Variants in FOXK2 observed in about 807,000 individuals in gnomAD.
FOXK2 encodes forkhead box protein K2.
FOXK2 carries 24 observed loss-of-function variants against 53.3 expected under a neutral mutation model. The observed-to-expected ratio is 0.45, with a 90% CI of 0.33 to 0.63. The LOEUF (loss-of-function observed/expected upper bound fraction) is 0.63. Among genes scored for constraint, FOXK2 ranks in the 30% least tolerant of loss-of-function variants. The probability of loss-of-function intolerance (pLI) is 0.03; values close to 1 mark genes in which losing one functional copy is unlikely to be tolerated. For synonymous variants in FOXK2, 505 were observed against 407.1 expected, an observed-to-expected ratio of 1.24 and a Z score of -2.89; for missense variants, 952 against 910.5, an observed-to-expected ratio of 1.05 and a Z score of -0.59.
intron 4 of FOXK2, among the ~76,000 whole-genome samples, chr17:82,574,744 C>T (rs2044963666): frequency 6.6e-6 from 1 of 152,190 alleles, no homozygotes; most frequent in Non-Finnish European, 1.5e-5. Context: ...AGACCTTATT[C>T]TGACTTCCTC....
At chr17:82,525,954 T>TACTTTCTTATGTGGCCTGGATCCCAC (rs2044414143) in intron 1 of FOXK2, among the ~76,000 whole-genome samples, 2 of 143,488 alleles carry the variant, frequency 1.4e-5, no homozygotes, top group Admixed American at 7.0e-5. Context: ...ATCCCACACT[T>TACTTTCTTATGTGGCCTGGATCCCAC]ACTTTCTTAT....
chr17:82,532,724 C>T (rs569292893), intron 1 of FOXK2, among the ~76,000 whole-genome samples: 2 of 151,776 alleles, frequency 1.3e-5, no homozygotes, highest in South Asian at 4.2e-4. Context: ...GTAGCCACCT[C>T]ACCTGGCTAA....
At chr17:82,586,391 G>C (rs36028572) in intron 7 of FOXK2, among the ~76,000 whole-genome samples, 191 bp downstream of exon 7, 397 of 105,674 alleles carry the variant, frequency 3.8e-3, no homozygotes, top group East Asian at 0.019. Context: ...ACAGGGAGGT[G>C]AAAGGTGGGC....
intron 1 of FOXK2, among the ~76,000 whole-genome samples, chr17:82,522,718 G>T (rs1420026303): frequency 6.6e-6 from 1 of 152,054 alleles, no homozygotes; most frequent in Non-Finnish European, 1.5e-5. Flanking sequence ...CAGCCAGAAC[G>T]ATTTGTATTG....
chr17:82,551,105 C>G (rs1348476513), intron 1 of FOXK2, among the ~76,000 whole-genome samples: 1 of 149,154 alleles, frequency 6.7e-6, no homozygotes, highest in Non-Finnish European at 1.5e-5. Context: ...ATCACAAGCT[C>G]AGGAGACTGA....
chr17:82,547,254 G>T (rs1302313470), intron 1 of FOXK2, among the ~76,000 whole-genome samples: 1 of 152,098 alleles, frequency 6.6e-6, no homozygotes, highest in Non-Finnish European at 1.5e-5. Flanking sequence ...TCTCCATTGT[G>T]GTTCCCCGGA....
chr17:82,587,094 C>T lies in FOXK2; in HGVS notation c.1608C>T (p.His536=), dbSNP rs377302808. The T allele has an allele frequency of 7.2e-5, 116 of 1,612,980 alleles. No individual in the cohort carries two copies. Among genetic ancestry groups the T allele is most frequent in the South Asian group, 2.0e-4 (18 of 91,084 alleles). The change falls in exon 8 of 9, where the codon CAC becomes CAT. Residue 536 remains histidine, a synonymous_variant. Coordinates refer to ENST00000335255, the MANE Select transcript of FOXK2 (RefSeq NM_004514.4). ...TAGAGCCTATTCCCGCCATTGGCCA[C>T]GCCACGCTCGGCACTGCCAGCCGGA... ...VKVEPIPAIG[H]ATLGTASRII...
intron 1 of FOXK2, among the ~76,000 whole-genome samples, chr17:82,550,800 G>A (rs1269817694): frequency 1.3e-5 from 2 of 152,194 alleles, no homozygotes; most frequent in African/African-American, 2.4e-5. Context: ...CCACGGCGCC[G>A]GCCCTGAGGT....
chr17:82,530,405 A>C lies in FOXK2; in HGVS notation c.419+10098A>C, dbSNP rs1475985476. ...CTCGGGAGGCTAAGGCAGGAGAATC[A>C]CTTGAACTCCAGCCTGGGCAACAAG... On this transcript the variant is annotated intron_variant, in intron 1 of 8. Transcript: ENST00000335255. Among the ~76,000 whole-genome samples the C allele has an allele frequency of 2.8e-5, 4 of 142,790 alleles. No individual in the cohort carries two copies. The South Asian group carries it at 9.1e-4, about 33-fold the overall frequency. 93.7% of individuals were successfully genotyped at this position (142,790 alleles called of 152,430 possible).
At chr17:82,522,088 A>G (rs1203995708) in intron 1 of FOXK2, among the ~76,000 whole-genome samples, 1 of 147,408 alleles carries the variant, frequency 6.8e-6, no homozygotes, top group African/African-American at 2.5e-5. Context: ...GTCACAACAA[A>G]GGAAGTTTGC....
At chr17:82,577,257 T>G (rs1189499140) in intron 4 of FOXK2, 2 of 1,299,412 alleles carry the variant, frequency 1.5e-6, no homozygotes, top group Non-Finnish European at 2.2e-6. Context: ...AGGTAGTACT[T>G]GTCCATGTAA....
At chr17:82,563,666 TA>T (rs2044822336) in intron 2 of FOXK2, 118 bp downstream of exon 2, 2 of 831,140 alleles carry the variant, frequency 2.4e-6, no homozygotes. Context: ...AGGTGGTGTT[TA>T]AAATATCATT....
At chr17:82,582,653 C>T in intron 4 of FOXK2, 88 bp from the exon 5 acceptor site, 15 of 1,138,830 alleles carry the variant, frequency 1.3e-5, no homozygotes, top group Middle Eastern at 2.6e-4. Flanking sequence ...ATGTAGGTTT[C>T]TGCTTTTTAG....
rs2045138220 is a variant in FOXK2, at chr17:82,586,074, A to T, written c.1450A>T (p.Ser484Cys). 3.7e-6 allele frequency: 6 copies of T among 1,612,652 alleles called. No individual in the cohort carries two copies. The highest frequency in any genetic ancestry group is 5.1e-6 in the Non-Finnish European group (6 of 1,179,960). Residue 484 changes from serine (S) to cysteine (C), a missense_variant, in exon 7 of 9, where the codon AGT (serine) becomes TGT (cysteine). By Grantham distance (112) the Ser-to-Cys change is moderately radical. This residue lies in a region of FOXK2 where 551 missense variants were observed against 385.1 expected (regional missense o/e 1.43). Transcript: ENST00000335255. Reference protein sequence around the residue: ...VHQIPAVSVTSVAGLAPANTY... With the variant: ...VHQIPAVSVTCVAGLAPANTY... ...CCAGATCCCAGCGGTGTCGGTCACC[A>T]GTGTGGCCGGACTGGCCCCAGCGAA...
intron 8 of FOXK2, chr17:82,587,473 G>C (rs973078570): frequency 1.3e-5 from 8 of 597,720 alleles, no homozygotes; most frequent in Non-Finnish European, 2.4e-5. Flanking sequence ...GGGAGGACCT[G>C]CCTGAAAAGA....
At chr17:82,583,091 G>A (rs1199009376) in intron 5 of FOXK2, among the ~76,000 whole-genome samples, 157 bp downstream of exon 5, 1 of 152,202 alleles carries the variant, frequency 6.6e-6, no homozygotes, top group Admixed American at 6.5e-5. Context: ...GTGCTGCCCA[G>A]GTGTTTCTGG....
At chr17:82,523,765 C>T (rs775580928) in intron 1 of FOXK2, among the ~76,000 whole-genome samples, 8 of 151,974 alleles carry the variant, frequency 5.3e-5, no homozygotes, top group Admixed American at 1.3e-4. Flanking sequence ...GTGTGAGCCA[C>T]CACACCTGGC....
chr17:82,564,801 G>A lies in FOXK2; in HGVS notation c.614+1253G>A, dbSNP rs577193943. 4.0e-5 allele frequency among the ~76,000 whole-genome samples: 6 copies of A among 150,922 alleles called. No homozygotes were observed. The South Asian group carries it at 1.3e-3, about 32-fold the overall frequency. On this transcript the variant is annotated intron_variant, in intron 2 of 8. Coordinates refer to ENST00000335255, the MANE Select transcript of FOXK2 (RefSeq NM_004514.4). The stretch of plus-strand genomic sequence containing the variant: ...GGCTGGAGTCCAATGTGCGGTCTTG[G>A]CTCACTGCATCCTCTGTCTCCCAGG...
chr17:82,519,975 G>T lies in FOXK2; in HGVS notation c.87G>T (p.Gly29=). ...GAGGGGAGGG[G]SPPGGWAVAR... ...GGGGCGGCGGGGCCGGGGGCGGCGG[G>T]TCCCCGCCGGGCGGCTGGGCCGTGG... Residue 29 remains glycine (G), a synonymous_variant, in exon 1 of 9, where the codon GGG becomes GGT. Coordinates refer to ENST00000335255, the MANE Select transcript of FOXK2 (RefSeq NM_004514.4). 1 of 1,251,026 alleles carries T rather than the reference G, an allele frequency of 8.0e-7. No individual in the cohort carries two copies. Among genetic ancestry groups the T allele is most frequent in the African/African-American group, 1.6e-5 (1 of 63,360 alleles). The allele number at this position is 1,251,026 out of a possible 1,614,324, so 77.5% of individuals were successfully genotyped here. A position where few individuals can be genotyped will look rare whatever the true frequency, so the allele number is the denominator to read the frequency against.
Sources: gnomAD v4.1 joint callset for allele counts (sites outside exome capture counted in the v4.1 genomes callset) on GRCh38, gnomAD v4.1.1 for gene constraint, gnomAD v4.1.1 regional missense constraint, MANE v1.5 for transcripts, NCBI Gene and HGNC (gene_info 2026-07-23, HGNC 2026-07-21) for gene names.